The following SNRNP200 variants were observed in gnomAD, a reference collection of about 807,000 sequenced individuals.
SNRNP200 encodes the protein U5 small nuclear ribonucleoprotein 200 kDa helicase.
A neutral mutation model predicts 255.2 loss-of-function variants in SNRNP200; 66 were observed. The observed-to-expected ratio is 0.26, with a 90% CI of 0.21 to 0.32. The LOEUF (loss-of-function observed/expected upper bound fraction) is 0.32, where lower values mean the gene tolerates loss of function less well. Among genes scored for constraint, SNRNP200 ranks in the 10% least tolerant of loss-of-function variants. The pLI, the probability that SNRNP200 is intolerant of heterozygous loss-of-function variation, is 1.00. For missense variants in SNRNP200, 1,585 were observed against 2,749.8 expected, an observed-to-expected ratio of 0.58 and a Z score of 9.47; for synonymous variants, 939 against 1,027.8, an observed-to-expected ratio of 0.91 and a Z score of 1.65.
intron 1 of SNRNP200, 91 bp from the exon 2 acceptor site, chr2:96,304,959 T>G (rs1249190453): frequency 2.1e-6 from 3 of 1,399,782 alleles, no homozygotes; most frequent in Non-Finnish European, 3.0e-6. Context: ...AAAATCGTAG[T>G]AACTAGTTGC....
At position 96,304,854 on chromosome 2, in the gene SNRNP200, C is replaced by A; in HGVS notation, c.60G>T (p.Val20=). Residue 20 remains valine, a synonymous_variant, in exon 2 of 45, where the codon GTG becomes GTT. Transcript: ENST00000323853. The stretch of plus-strand genomic sequence containing the variant: ...CAATGAGAGAACGGTCAGCTTGGAG[C>A]ACAAGATTCGAGTTCTGAAAAGATC... ...QYEYKANSNL[V]LQADRSLIDR... The A allele has an allele frequency of 6.2e-7, 1 of 1,614,120 alleles. No individual in the cohort carries two copies. Among genetic ancestry groups the A allele is most frequent in the Non-Finnish European group, 8.5e-7 (1 of 1,180,024 alleles).
In SNRNP200 at chr2:96,286,195, T is replaced by G. The variant is rs2063842684; in HGVS notation, c.4003+116A>C. The G allele has an allele frequency of 1.9e-6, 2 of 1,033,648 alleles. No individual in the cohort carries two copies. Among genetic ancestry groups the G allele is most frequent in the African/African-American group, 1.6e-5 (1 of 63,688 alleles). 64.0% of individuals were successfully genotyped at this position (1,033,648 alleles called of 1,614,324 possible). ...TCCTGGTGGGTCCCAGCGGTCACAC[T>G]GAGGAGCTCCCAGACCTCCCAAGTG... is the stretch of plus-strand genomic sequence containing the variant. On this transcript the variant is annotated intron_variant, in intron 29 of 44. Transcript: ENST00000323853. This position sits in a 1 kb window ranked among gnomAD's most constrained non-coding sequence, Gnocchi z 4.8.
chr2:96,276,505 T>C (rs948793653), intron 43 of SNRNP200: 4 of 261,066 alleles, frequency 1.5e-5, no homozygotes, highest in Admixed American at 4.7e-5. Context: ...CGCTGCAGCC[T>C]CCGCCTCCTG....
At position 96,297,548 on chromosome 2, in the gene SNRNP200, A is replaced by T; in HGVS notation, c.1204-12T>A. The T allele has an allele frequency of 6.2e-7, 1 of 1,614,156 alleles. No homozygotes were observed. Among genetic ancestry groups the T allele is most frequent in the Non-Finnish European group, 8.5e-7 (1 of 1,180,010 alleles). On this transcript the variant is annotated splice_polypyrimidine_tract_variant and intron_variant, in intron 10 of 44. Transcript: ENST00000323853. ...CGTGGAGCCAGTGCCTGGGAATGTG[A>T]AAGACAAAAACACAAAGGAAGTAAG...
In SNRNP200 at chr2:96,278,756, G is replaced by A. The variant is rs764296111; in HGVS notation, c.5324-45C>T. The A allele has an allele frequency of 3.1e-6, 5 of 1,614,066 alleles. No individual in the cohort carries two copies. The East Asian group carries it at 8.9e-5, about 29-fold the overall frequency. On this transcript the variant is annotated intron_variant, in intron 37 of 44. Transcript: ENST00000323853. The surrounding 1 kb of genome is among the most constrained non-coding windows in gnomAD (Gnocchi z 6.9). ...GTGGGGAGCCTCAAGAAGATGCCCA[G>A]CAAAGACTGTGAGAACCACCAAAGG...
At chr2:96,304,983 T>C in intron 1 of SNRNP200, 115 bp from the exon 2 acceptor site, 3 of 1,156,190 alleles carry the variant, frequency 2.6e-6, no homozygotes, top group Non-Finnish European at 3.8e-6. Context: ...TCATCACTAA[T>C]CGTAATAAAA....
In SNRNP200 at chr2:96,299,251, C is replaced by G. The variant is rs1316267858; in HGVS notation, c.729+78G>C. The G allele has an allele frequency of 1.1e-5, 15 of 1,321,380 alleles. 1 individual carries two copies. Among genetic ancestry groups the G allele is most frequent in the Middle Eastern group, 1.8e-4 (1 of 5,542 alleles). The allele number at this position is 1,321,380 out of a possible 1,614,324, so 81.9% of individuals were successfully genotyped here. Reference sequence around the variant, plus strand: ...GCAAAAAGTGGCTCAATAAATGTAACAGGACCTAGGCATGGGGAAGAAGCA... The same window carrying G: ...GCAAAAAGTGGCTCAATAAATGTAAGAGGACCTAGGCATGGGGAAGAAGCA... On this transcript the variant is annotated intron_variant, in intron 6 of 44. Transcript: ENST00000323853.
In SNRNP200 at chr2:96,289,932, T is replaced by C; in HGVS notation, c.2807A>G (p.Tyr936Cys). Residue 936 changes from tyrosine (Y) to cysteine (C), a missense_variant, in exon 21 of 45, where the codon TAT becomes TGT. Tyr to Cys is a radical substitution (Grantham distance 194). Transcript: ENST00000323853. ...YIRMLRSPTLYGISHDDLKGD... is the reference protein window; with the variant it reads ...YIRMLRSPTLCGISHDDLKGD... Reference sequence around the variant, plus strand: ...CTTGAGGTCATCATGAGAGATGCCATAGAGGGTTGGGGATCGCAGCATTCG... The same window carrying C: ...CTTGAGGTCATCATGAGAGATGCCACAGAGGGTTGGGGATCGCAGCATTCG... 1.2e-6 allele frequency: 2 copies of C among 1,614,068 alleles called. No individual in the cohort carries two copies. The highest frequency in any genetic ancestry group is 1.7e-6 in the Non-Finnish European group (2 of 1,180,006).
chr2:96,294,860 C>T (rs1445038557), intron 14 of SNRNP200, among the ~76,000 whole-genome samples: 2 of 152,086 alleles, frequency 1.3e-5, no homozygotes, highest in African/African-American at 4.8e-5. Context: ...GCTTCTTGGC[C>T]TTTTGGCTTA....
intron 14 of SNRNP200, among the ~76,000 whole-genome samples, chr2:96,294,225 G>A (rs2063902471): frequency 6.6e-6 from 1 of 151,522 alleles, no homozygotes; most frequent in African/African-American, 2.4e-5. Flanking sequence ...CCCAAGGCCA[G>A]GAGTTCGAGA....
chr2:96,292,868 G>A, intron 16 of SNRNP200, 104 bp downstream of exon 16: 1 of 1,360,966 alleles, frequency 7.3e-7, no homozygotes, highest in Non-Finnish European at 1.0e-6. Flanking sequence ...GGTGATTTAT[G>A]TTGTGTCTTC....
In SNRNP200 at chr2:96,287,489, T is replaced by C; in HGVS notation, c.3434A>G (p.Lys1145Arg). 2 of 1,614,140 alleles carry C rather than the reference T, an allele frequency of 1.2e-6. No homozygotes were observed. Among genetic ancestry groups the C allele is most frequent in the Non-Finnish European group, 1.7e-6 (2 of 1,179,988 alleles). The change falls in exon 26 of 45, where the codon AAG (lysine) becomes AGG (arginine). Residue 1145 changes from lysine (K) to arginine (R), a missense_variant. Transcript: ENST00000323853. This position sits in a 1 kb window ranked among gnomAD's most constrained non-coding sequence, Gnocchi z 5.7. Reference sequence around the variant, plus strand: ...CAGACGCTCAAAGGGGAAATTCTTCTTCTCAATCTTCTTCACTACTTCCTC... The same window carrying C: ...CAGACGCTCAAAGGGGAAATTCTTCCTCTCAATCTTCTTCACTACTTCCTC... Reference protein sequence around the residue: ...LPEEVVKKIEKKNFPFERLYD... With the variant: ...LPEEVVKKIERKNFPFERLYD...
intron 35 of SNRNP200, chr2:96,279,842 C>T (rs868207321): frequency 1.6e-5 from 6 of 377,518 alleles, no homozygotes; most frequent in Admixed American, 3.9e-5. Flanking sequence ...ACTCCCTATT[C>T]GAGGATCAAA....
rs899850910 is a variant in SNRNP200 at position 96,278,433 on chromosome 2, G to A, written c.5489-75C>T. 4 of 1,611,704 alleles carry A rather than the reference G, an allele frequency of 2.5e-6. No individual in the cohort carries two copies. The African/African-American group carries it at 5.3e-5, about 22-fold the overall frequency. On this transcript the variant is annotated intron_variant, in intron 38 of 44. Coordinates refer to ENST00000323853, the MANE Select transcript of SNRNP200 (RefSeq NM_014014.5). This position sits in a 1 kb window ranked among gnomAD's most constrained non-coding sequence, Gnocchi z 6.9. The stretch of plus-strand genomic sequence containing the variant: ...GCAGAACTGCCCGGGCTCCCCTGCT[G>A]TCCCCTGCAGTGTCATCCCGCTGAC...
chr2:96,298,621 G>A lies in SNRNP200; in HGVS notation c.964C>T (p.Arg322Trp). The change falls in exon 8 of 45, where the codon CGG becomes TGG. Residue 322 changes from arginine to tryptophan, a missense_variant. By Grantham distance (101) the Arg-to-Trp change is moderately radical. Transcript: ENST00000323853. ...FNTFDFIKVLRQHRMMILYCT... is the reference protein window; with the variant it reads ...FNTFDFIKVLWQHRMMILYCT... Reference sequence around the variant, plus strand: ...TACTCACTCATCATCCTGTGCTGCCGCAACACTTTAATGAAATCAAAGGTG... The same window carrying A: ...TACTCACTCATCATCCTGTGCTGCCACAACACTTTAATGAAATCAAAGGTG... 1.2e-6 allele frequency: 2 copies of A among 1,614,076 alleles called. No individual in the cohort carries two copies. Among genetic ancestry groups the A allele is most frequent in the South Asian group, 1.1e-5 (1 of 91,078 alleles).
chr2:96,284,839 TC>T (rs2063833170), intron 30 of SNRNP200: 2 of 537,450 alleles, frequency 3.7e-6, no homozygotes, highest in Non-Finnish European at 6.7e-6. Context: ...AACCTCCGCC[TC>T]CCGGGTTCAA....
chr2:96,295,562 G>A lies in SNRNP200; in HGVS notation c.1768C>T (p.Pro590Ser). 1 of 1,613,586 alleles carries A rather than the reference G, an allele frequency of 6.2e-7. No individual in the cohort carries two copies. Among genetic ancestry groups the A allele is most frequent in the Non-Finnish European group, 8.5e-7 (1 of 1,179,888 alleles). Residue 590 changes from proline (P) to serine (S), a missense_variant, in exon 14 of 45, where the codon CCC becomes TCC. Coordinates refer to ENST00000323853, the MANE Select transcript of SNRNP200 (RefSeq NM_014014.5). ...CGGGTGATGATGTCCCACTTCTCGG[G>A]GGTGCAGACGATGATCTGAGTGGCA... The part of the protein sequence containing the change: ...ISATQIIVCT[P>S]EKWDIITRKG...
intron 9 of SNRNP200, 130 bp downstream of exon 9, chr2:96,298,154 T>G: frequency 7.2e-7 from 1 of 1,380,590 alleles, no homozygotes; most frequent in Non-Finnish European, 1.0e-6. Flanking sequence ...CTGTATGCAC[T>G]GATAAACCCC....
At position 96,290,350 on chromosome 2, in the gene SNRNP200, C is replaced by T. The variant is rs2063876773; in HGVS notation, c.2718G>A (p.Val906=). 1 of 1,614,016 alleles carries T rather than the reference C, an allele frequency of 6.2e-7. No individual in the cohort carries two copies. Among genetic ancestry groups the T allele is most frequent in the Non-Finnish European group, 8.5e-7 (1 of 1,180,040 alleles). The stretch of plus-strand genomic sequence containing the variant: ...CCTTGGCATTCTGGACATTTCCTAG[C>T]ACGATTTCTGCATTGAGCATGTCAG... ...KLPDMLNAEI[V]LGNVQNAKDA... Residue 906 remains valine (V), a synonymous_variant, in exon 20 of 45, where the codon GTG becomes GTA. Transcript: ENST00000323853. The surrounding 1 kb of genome is among the most constrained non-coding windows in gnomAD (Gnocchi z 4.5).
Sources: gnomAD v4.1 joint callset for allele counts (sites outside exome capture counted in the v4.1 genomes callset) on GRCh38, gnomAD v4.1.1 for gene constraint, Gnocchi (gnomAD v3.1) non-coding constraint, MANE v1.5 for transcripts, NCBI Gene and HGNC (gene_info 2026-07-23, HGNC 2026-07-21) for gene names.